NREP: variants seen among roughly 807,000 people sequenced by gnomAD.
NREP encodes the protein neuronal regeneration-related protein.
A neutral mutation model predicts 8.6 loss-of-function variants in NREP; 5 were observed. The ratio of observed to expected loss-of-function variants is 0.58; its 90% CI spans 0.30 to 1.22. NREP has a LOEUF of 1.22. NREP is among the 50% of genes most tolerant of loss of function. NREP has a pLI of 0.07. For missense variants in NREP, 86 were observed against 82.5 expected, an observed-to-expected ratio of 1.04 and a Z score of -0.17; for synonymous variants, 27 against 28.0, an observed-to-expected ratio of 0.96 and a Z score of 0.11.
intron 2 of NREP, among the ~76,000 whole-genome samples, chr5:111,772,311 G>GT (rs1751250067): frequency 6.6e-6 from 1 of 151,964 alleles, no homozygotes; most frequent in African/African-American, 2.4e-5. Flanking sequence ...AGAATAGAAG[G>GT]TTTTTTGTTT....
chr5:111,881,062 C>A lies in NREP; in HGVS notation c.135+94212G>T, dbSNP rs1209148018. On this transcript the variant is annotated intron_variant, in intron 2 of 3. Transcript: ENST00000395634. ...GGAAGCGTAAGAGATCAGGGAATTC[C>A]CTTTCCTAGTCAAAGAAAGTGGTGA... Among the ~76,000 whole-genome samples the A allele has an allele frequency of 3.9e-5, 6 of 152,328 alleles. No individual in the cohort carries two copies. In the East Asian group the frequency reaches 1.2e-3, roughly 29 times the overall value.
At chr5:111,794,608 G>T (rs1751834269) in intron 2 of NREP, among the ~76,000 whole-genome samples, 1 of 152,122 alleles carries the variant, frequency 6.6e-6, no homozygotes, top group African/African-American at 2.4e-5. Context: ...TCAACTACAT[G>T]ACATTCTGGA....
chr5:111,966,852 T>C (rs1756656710), intron 2 of NREP, among the ~76,000 whole-genome samples: 1 of 152,200 alleles, frequency 6.6e-6, no homozygotes, highest in African/African-American at 2.4e-5. Context: ...GGAACCAAGA[T>C]CATAAGTCAG....
chr5:111,772,529 G>T (rs1055282761), intron 2 of NREP, among the ~76,000 whole-genome samples: 8 of 152,014 alleles, frequency 5.3e-5, no homozygotes, highest in Admixed American at 4.6e-4. Context: ...TCATGGTTTG[G>T]TTTGAGGGAA....
intron 2 of NREP, among the ~76,000 whole-genome samples, chr5:111,870,870 G>A (rs951736756): frequency 2.0e-5 from 3 of 152,022 alleles, no homozygotes; most frequent in African/African-American, 7.2e-5. Flanking sequence ...GAGTTTTATA[G>A]GAAGCATAGC....
chr5:111,834,955 C>A (rs1383644688), intron 2 of NREP, among the ~76,000 whole-genome samples: 1 of 152,148 alleles, frequency 6.6e-6, no homozygotes, highest in East Asian at 1.9e-4. Context: ...CACATGTAAG[C>A]AAGATCTGTT....
chr5:111,873,679 T>A (rs1342391934), intron 2 of NREP, among the ~76,000 whole-genome samples: 1 of 152,174 alleles, frequency 6.6e-6, no homozygotes, highest in South Asian at 2.1e-4. Flanking sequence ...ACTCATATGA[T>A]CAGAATGGGC....
At chr5:111,919,992 A>G (rs1755192214) in intron 2 of NREP, among the ~76,000 whole-genome samples, 1 of 139,712 alleles carries the variant, frequency 7.2e-6, no homozygotes, top group Admixed American at 7.4e-5. Flanking sequence ...CCCCACACAC[A>G]CAAAGAAGTC....
At chr5:111,955,907 A>C (rs1311713775) in intron 2 of NREP, among the ~76,000 whole-genome samples, 4 of 139,726 alleles carry the variant, frequency 2.9e-5, no homozygotes, top group Non-Finnish European at 6.2e-5. Context: ...AGTGAAAAAA[A>C]AAAAAACAAA....
intron 2 of NREP, among the ~76,000 whole-genome samples, chr5:111,840,576 T>C (rs1048297039): frequency 2.6e-5 from 4 of 152,094 alleles, no homozygotes. Context: ...AATGTTTAAG[T>C]GACATCCCCA....
intron 2 of NREP, among the ~76,000 whole-genome samples, chr5:111,810,123 G>T (rs1021992447): frequency 3.9e-5 from 6 of 152,086 alleles, no homozygotes; most frequent in Non-Finnish European, 7.4e-5. Context: ...GGTTGGGGGA[G>T]GGAGAGAAGG....
chr5:111,738,123 A>G (rs994489703), intron 2 of NREP, among the ~76,000 whole-genome samples: 2 of 152,154 alleles, frequency 1.3e-5, no homozygotes, highest in Non-Finnish European at 2.9e-5. Flanking sequence ...TAAACTTTTC[A>G]TTTTTTTAAG....
At chr5:111,806,738 TGC>T (rs1398887636) in intron 2 of NREP, among the ~76,000 whole-genome samples, 19 of 98,414 alleles carry the variant, frequency 1.9e-4, no homozygotes, top group Non-Finnish European at 1.7e-4. Flanking sequence ...AAAGGAAGGA[TGC>T]AGTTCTCTGT....
At chr5:111,907,436 A>G (rs1754805890) in intron 2 of NREP, among the ~76,000 whole-genome samples, 1 of 151,950 alleles carries the variant, frequency 6.6e-6, no homozygotes, top group African/African-American at 2.4e-5. Context: ...TTTTTGAAAA[A>G]CTATCCTTTC....
intron 2 of NREP, among the ~76,000 whole-genome samples, chr5:111,854,158 A>C (rs1271897983): frequency 1.3e-5 from 2 of 152,148 alleles, no homozygotes; most frequent in African/African-American, 2.4e-5. Flanking sequence ...AAACAAGAAA[A>C]ATGTAGTTTC....
At chr5:111,890,078 T>C (rs1412100813) in intron 2 of NREP, among the ~76,000 whole-genome samples, 1 of 152,198 alleles carries the variant, frequency 6.6e-6, no homozygotes, top group East Asian at 1.9e-4. Flanking sequence ...TGGATGTATA[T>C]GTGCAGGCTT....
At chr5:111,797,123 A>T (rs1751891519) in intron 2 of NREP, among the ~76,000 whole-genome samples, 1 of 151,664 alleles carries the variant, frequency 6.6e-6, no homozygotes. Context: ...TTCAAAAAAC[A>T]TCACTGGTAG....
At chr5:111,746,008 G>A (rs1318235338) in intron 2 of NREP, among the ~76,000 whole-genome samples, 1 of 152,086 alleles carries the variant, frequency 6.6e-6, no homozygotes, top group Admixed American at 6.6e-5. Context: ...TCCTCATATT[G>A]CAGGTAGAGT....
At chr5:111,799,350 C>A (rs1206269269) in intron 2 of NREP, among the ~76,000 whole-genome samples, 2 of 152,066 alleles carry the variant, frequency 1.3e-5, no homozygotes, top group African/African-American at 4.8e-5. Flanking sequence ...TTGTAGACTG[C>A]TTTTAGCAGT....
Sources: gnomAD v4.1 joint callset for allele counts (sites outside exome capture counted in the v4.1 genomes callset) on GRCh38, gnomAD v4.1.1 for gene constraint, MANE v1.5 for transcripts, NCBI Gene and HGNC (gene_info 2026-07-23, HGNC 2026-07-21) for gene names.